KIF3A: variants seen among roughly 807,000 people sequenced by gnomAD.
KIF3A encodes kinesin family member 3A.
KIF3A carries 27 observed loss-of-function variants against 92.6 expected under a neutral mutation model. The ratio of observed to expected loss-of-function variants is 0.29; its 90% CI spans 0.21 to 0.40. KIF3A has a LOEUF of 0.40. Ranked by LOEUF, KIF3A falls within the 10% of genes least tolerant of loss-of-function variation. The pLI, the probability that KIF3A is intolerant of heterozygous loss-of-function variation, is 1.00. For synonymous variants in KIF3A, 250 were observed against 275.4 expected (o/e 0.91, Z 0.92); for missense variants, 581 against 872.6 (o/e 0.67, Z 4.21).
intron 4 of KIF3A, among the ~76,000 whole-genome samples, chr5:132,724,808 TA>T (rs1442227612): frequency 6.5e-4 from 11 of 16,972 alleles, no homozygotes; most frequent in Non-Finnish European, 1.6e-3. Flanking sequence ...AAAAAAAAAA[TA>T]TATATATATA....
chr5:132,711,558 C>T (rs1278653839), intron 8 of KIF3A, among the ~76,000 whole-genome samples: 1 of 151,708 alleles, frequency 6.6e-6, no homozygotes, highest in African/African-American at 2.4e-5. Context: ...CACCACTGTA[C>T]TCCAGCCTCA....
rs190719569 is a variant in KIF3A at position 132,710,611 on chromosome 5, G to A, written c.1228+348C>T. 5.3e-4 allele frequency among the ~76,000 whole-genome samples: 81 copies of A among 152,196 alleles called. No individual in the cohort carries two copies. In the East Asian group the frequency reaches 0.012, roughly 22 times the overall value. On this transcript the variant is annotated intron_variant, in intron 9 of 18. Coordinates refer to ENST00000403231, the MANE Select transcript of KIF3A (RefSeq NM_001300791.2). ...AGCCTGGGCGACAGAATGAGACTCC[G>A]TCTCAAAACAAACAAACAAACAAAC...
intron 4 of KIF3A, among the ~76,000 whole-genome samples, chr5:132,720,946 G>T (rs1753802876): frequency 6.6e-6 from 1 of 152,088 alleles, no homozygotes; most frequent in South Asian, 2.1e-4. Context: ...AAAAAGTACA[G>T]AACACTACTA....
intron 15 of KIF3A, 73 bp from the exon 16 acceptor site, chr5:132,700,773 A>G: frequency 1.1e-6 from 1 of 891,910 alleles, no homozygotes; most frequent in Non-Finnish European, 1.8e-6. Context: ...ATAAAACTAA[A>G]ATCTTAATAA....
intron 11 of KIF3A, among the ~76,000 whole-genome samples, chr5:132,705,436 A>T (rs1369937055): frequency 6.6e-6 from 1 of 152,026 alleles, no homozygotes; most frequent in Non-Finnish European, 1.5e-5. Flanking sequence ...TACAGGCTTC[A>T]AGGGTTCTAA....
rs1026359100 is a variant in KIF3A, at chr5:132,696,581, G to T, written c.*53C>A. ...CTTCACTGTTTTAATTAAAGATTTT[G>T]TCCAGGCATGAGAATATCACTAATT... On this transcript the variant is annotated 3_prime_UTR_variant, in exon 19 of 19. Coordinates refer to ENST00000403231, the MANE Select transcript of KIF3A (RefSeq NM_001300791.2). 3 of 1,059,544 alleles carry T rather than the reference G, an allele frequency of 2.8e-6. No individual in the cohort carries two copies. Among genetic ancestry groups the T allele is most frequent in the African/African-American group, 1.6e-5 (1 of 63,922 alleles). 65.6% of individuals were successfully genotyped at this position (1,059,544 alleles called of 1,614,324 possible).
At chr5:132,730,485 A>G (rs966702342) in intron 2 of KIF3A, among the ~76,000 whole-genome samples, 4 of 151,190 alleles carry the variant, frequency 2.6e-5, no homozygotes, top group African/African-American at 9.7e-5. Flanking sequence ...AAAAAAAAAA[A>G]AAGAAAAAAT....
rs2149887418 is a variant in KIF3A at position 132,693,573 on chromosome 5, A to G, written c.*3061T>C. ...ACGAAATTAACACTGACCTTACAAC[A>G]TATTTCATTTGTGGACAAAGACACA... On this transcript the variant is annotated 3_prime_UTR_variant, in exon 19 of 19. Coordinates refer to ENST00000403231, the MANE Select transcript of KIF3A (RefSeq NM_001300791.2). 1 of 152,892 alleles carries G rather than the reference A, an allele frequency of 6.5e-6. No individual in the cohort carries two copies. The highest frequency in any genetic ancestry group is 2.1e-4 in the South Asian group (1 of 4,830). The allele number at this position is 152,892 out of a possible 1,614,324, so 9.5% of individuals were successfully genotyped here.
chr5:132,703,057 T>A lies in KIF3A; in HGVS notation c.1475A>T (p.His492Leu). The A allele has an allele frequency of 2.5e-6, 4 of 1,608,050 alleles. No homozygotes were observed. The highest frequency in any genetic ancestry group is 3.4e-6 in the Non-Finnish European group (4 of 1,177,944). ...EKDLLKAQQE[H>L]QSLLEKLSAL... is the part of the protein sequence containing the mutation. ...AGATAATTTTTCCAGCAAAGACTGA[T>A]GCTCTTGTCTGTTGATTAGAATGAG... Residue 492 changes from histidine (H) to leucine (L), a missense_variant, in exon 13 of 19, where the codon CAT becomes CTT. His to Leu is a moderately conservative substitution (Grantham distance 99). Around this residue, in one of 5 missense-constraint regions of KIF3A, gnomAD observed 167 missense variants for 205.8 expected, o/e 0.81. Transcript: ENST00000403231.
intron 8 of KIF3A, among the ~76,000 whole-genome samples, chr5:132,715,146 C>T (rs147406558): frequency 4.9e-3 from 742 of 152,270 alleles, no homozygotes; most frequent in African/African-American, 6.7e-3. Context: ...GGATCTGTTT[C>T]TCGCATTAAG....
chr5:132,717,299 A>G (rs1252748298), intron 5 of KIF3A, among the ~76,000 whole-genome samples: 1 of 152,222 alleles, frequency 6.6e-6, no homozygotes, highest in Non-Finnish European at 1.5e-5. Context: ...ATTATTGCTG[A>G]TTTAGCTATC....
intron 8 of KIF3A, among the ~76,000 whole-genome samples, chr5:132,714,789 G>A (rs1208564199): frequency 6.6e-6 from 1 of 152,122 alleles, no homozygotes; most frequent in Non-Finnish European, 1.5e-5. Flanking sequence ...TTTATGTCAT[G>A]TATATTTTAC....
At chr5:132,711,626 T>G (rs987459961) in intron 8 of KIF3A, among the ~76,000 whole-genome samples, 2 of 151,962 alleles carry the variant, frequency 1.3e-5, no homozygotes, top group Non-Finnish European at 2.9e-5. Flanking sequence ...CATTTCTTTA[T>G]GTATAATTTT....
At chr5:132,720,472 TA>T in intron 5 of KIF3A, 136 bp downstream of exon 5, 2 of 579,524 alleles carry the variant, frequency 3.5e-6, no homozygotes, top group Non-Finnish European at 3.1e-6. Context: ...CTCTACATGG[TA>T]AATAATCAAA....
At chr5:132,692,415 C>T (rs1752688546), downstream of KIF3A, 3 of 152,156 alleles carry the variant, frequency 2.0e-5, no homozygotes, top group Admixed American at 2.0e-4. Context: ...ACCGCCAAAC[C>T]TAAAAGTTTA....
chr5:132,693,120 G>A lies in KIF3A; in HGVS notation c.*3514C>T, dbSNP rs544836218. ...ATAGTTTTAAAAACATGTTACAGAG[G>A]AAGTAGCACCACCCCCTCCCCCAAT... is the stretch of plus-strand genomic sequence containing the variant. On this transcript the variant is annotated 3_prime_UTR_variant, in exon 19 of 19. Coordinates refer to ENST00000403231, the MANE Select transcript of KIF3A (RefSeq NM_001300791.2). 1 of 150,774 alleles carries A rather than the reference G, an allele frequency of 6.6e-6. No individual in the cohort carries two copies. Among genetic ancestry groups the A allele is most frequent in the South Asian group, 2.1e-4 (1 of 4,652 alleles). The allele number at this position is 150,774 out of a possible 1,614,324, so 9.3% of individuals were successfully genotyped here.
At chr5:132,704,707 G>A (rs948260989) in intron 11 of KIF3A, among the ~76,000 whole-genome samples, 19 of 151,796 alleles carry the variant, frequency 1.3e-4, no homozygotes, top group African/African-American at 3.1e-4. Context: ...GAACCTTTCC[G>A]TCATTCTTAA....
intron 4 of KIF3A, among the ~76,000 whole-genome samples, chr5:132,721,030 CAGTT>C (rs745712677): frequency 7.0e-4 from 107 of 151,976 alleles, no homozygotes; most frequent in South Asian, 1.0e-3. Context: ...AAAAAGGAGG[CAGTT>C]AGTCAGTTGA....
intron 10 of KIF3A, among the ~76,000 whole-genome samples, chr5:132,707,248 C>T (rs933386741): frequency 6.6e-6 from 1 of 151,690 alleles, no homozygotes; most frequent in African/African-American, 2.4e-5. Flanking sequence ...AATGATTCTA[C>T]AGGAGTCACT....
Sources: gnomAD v4.1 joint callset for allele counts (sites outside exome capture counted in the v4.1 genomes callset) on GRCh38, gnomAD v4.1.1 for gene constraint, gnomAD v4.1.1 regional missense constraint, MANE v1.5 for transcripts, NCBI Gene and HGNC (gene_info 2026-07-23, HGNC 2026-07-21) for gene names.